RPS6KC1: variants seen among roughly 807,000 people sequenced by gnomAD.
RPS6KC1 encodes the protein inactive ribosomal protein S6 kinase delta-1.
A neutral mutation model predicts 103.8 loss-of-function variants in RPS6KC1; 54 were observed. The observed-to-expected ratio is 0.52, with a 90% confidence interval of 0.42 to 0.65. RPS6KC1 has a LOEUF of 0.65. RPS6KC1 is among the 30% of genes least tolerant of loss of function. RPS6KC1 has a pLI of 0.00. For synonymous variants in RPS6KC1, 439 were observed against 438.7 expected (o/e 1.00, Z -0.01); for missense variants, 1,151 against 1,253.8 (o/e 0.92, Z 1.24).
the RPS6KC1 span, chr1:213,546,303 T>A: frequency 7.2e-5 from 11 of 152,160 alleles, no homozygotes; most frequent in African/African-American, 2.4e-4. Context: ...GATCATTCAG[T>A]GGAGTCCATT....
chr1:213,210,622 T>G (rs945414043), intron 8 of RPS6KC1, among the ~76,000 whole-genome samples: 1 of 152,248 alleles, frequency 6.6e-6, no homozygotes, highest in East Asian at 1.9e-4. Flanking sequence ...TTGGAATTTT[T>G]CAGAACATGA....
chr1:213,401,427 C>T, the RPS6KC1 span, among the ~76,000 whole-genome samples: 3 of 152,224 alleles, frequency 2.0e-5, no homozygotes, highest in Non-Finnish European at 4.4e-5. Flanking sequence ...GATGTTTTCA[C>T]AATACTGTTG....
In RPS6KC1 at chr1:213,086,340, A is replaced by T. The variant is rs367575735; in HGVS notation, c.262+8524A>T. On this transcript the variant is annotated intron_variant, in intron 3 of 14. Transcript: ENST00000366960. ...TTCAGCCTGGATCTGCTGGCACCAC[A>T]ACAGAGCTTCCTGCTTGCCAGTCTC... 3.0e-4 allele frequency among the ~76,000 whole-genome samples: 45 copies of T among 152,288 alleles called. No individual in the cohort carries two copies. The East Asian group carries it at 8.7e-3, about 29-fold the overall frequency.
At chr1:213,370,163 C>T in the RPS6KC1 span, among the ~76,000 whole-genome samples, 2 of 152,128 alleles carry the variant, frequency 1.3e-5, no homozygotes, top group Non-Finnish European at 2.9e-5. Context: ...TTTCTCTTAC[C>T]TCCTTCTCAG....
the RPS6KC1 span, among the ~76,000 whole-genome samples, chr1:213,364,725 G>A: frequency 5.3e-5 from 8 of 152,102 alleles, no homozygotes; most frequent in Non-Finnish European, 1.2e-4. Flanking sequence ...AGGCCTAGGC[G>A]GGCGGATCAC....
Position 213,225,199 on chromosome 1 carries a change from G to A in RPS6KC1, c.1045-5298G>A, listed in dbSNP as rs140036230. Reference sequence around the variant, plus strand: ...CTCAGTTGAAGAGGTATATCCAGAGGCCAATTTATAATCATTTAGCCAACA... The same window carrying A: ...CTCAGTTGAAGAGGTATATCCAGAGACCAATTTATAATCATTTAGCCAACA... On this transcript the variant is annotated intron_variant, in intron 8 of 14. Transcript: ENST00000366960. Among the ~76,000 whole-genome samples, 6 of 152,240 alleles carry A rather than the reference G, an allele frequency of 3.9e-5. No homozygotes were observed. In the East Asian group the frequency reaches 1.2e-3, roughly 29 times the overall value.
chr1:213,204,718 G>T (rs1006072118), intron 8 of RPS6KC1, among the ~76,000 whole-genome samples: 2 of 151,090 alleles, frequency 1.3e-5, no homozygotes, highest in Admixed American at 6.6e-5. Context: ...CGACGTCTTG[G>T]GCTCAAGGAA....
rs543013886 is a variant in RPS6KC1, at chr1:213,064,876, C to G, written c.106-6130C>G. Among the ~76,000 whole-genome samples the G allele has an allele frequency of 3.4e-5, 5 of 148,892 alleles. No homozygotes were observed. The South Asian group carries it at 1.1e-3, about 32-fold the overall frequency. On this transcript the variant is annotated intron_variant, in intron 1 of 14. Coordinates refer to ENST00000366960, the MANE Select transcript of RPS6KC1 (RefSeq NM_012424.6). Reference sequence around the variant, plus strand: ...ATTTTTAATAGAGACAGGGTTTCACCGTGTTAGCCAGGATGGTCTTGATCT... The same window carrying G: ...ATTTTTAATAGAGACAGGGTTTCACGGTGTTAGCCAGGATGGTCTTGATCT...
chr1:213,285,336 C>T, the RPS6KC1 span, among the ~76,000 whole-genome samples: 7 of 24,696 alleles, frequency 2.8e-4, no homozygotes, highest in Non-Finnish European at 7.2e-4. Context: ...TCTCCTAATG[C>T]TGTCATACTG....
chr1:213,136,144 C>G (rs2086246005), intron 6 of RPS6KC1, among the ~76,000 whole-genome samples: 2 of 152,184 alleles, frequency 1.3e-5, no homozygotes, highest in Admixed American at 6.5e-5. Context: ...TTTGCTATCC[C>G]CTTTCTCTTA....
At chr1:213,214,608 T>A (rs573579533) in intron 8 of RPS6KC1, among the ~76,000 whole-genome samples, 5 of 152,276 alleles carry the variant, frequency 3.3e-5, no homozygotes, top group South Asian at 2.1e-4. Context: ...CCGAGTAGCC[T>A]AACTGGGAGG....
intron 6 of RPS6KC1, among the ~76,000 whole-genome samples, chr1:213,137,901 G>A (rs1293298083): frequency 7.1e-6 from 1 of 140,744 alleles, no homozygotes; most frequent in East Asian, 2.2e-4. Flanking sequence ...GCTTACAATA[G>A]GGGGCCCTGG....
the RPS6KC1 span, among the ~76,000 whole-genome samples, chr1:213,783,065 C>T: frequency 1.3e-5 from 2 of 152,198 alleles, no homozygotes; most frequent in Non-Finnish European, 2.9e-5. Flanking sequence ...CAGGGCTGTT[C>T]CACAAGCAGC....
intron 12 of RPS6KC1, among the ~76,000 whole-genome samples, chr1:213,248,386 T>A (rs1171126478): frequency 6.6e-6 from 1 of 152,214 alleles, no homozygotes; most frequent in Non-Finnish European, 1.5e-5. Context: ...CCTTGAATGA[T>A]TAACAAGTAT....
At chr1:213,495,928 AC>A in the RPS6KC1 span, among the ~76,000 whole-genome samples, 1 of 152,240 alleles carries the variant, frequency 6.6e-6, no homozygotes, top group Non-Finnish European at 1.5e-5. Flanking sequence ...ATAACCAAAT[AC>A]CAAGACAATT....
the RPS6KC1 span, among the ~76,000 whole-genome samples, chr1:213,752,222 C>T: frequency 1.3e-5 from 2 of 152,224 alleles, no homozygotes; most frequent in African/African-American, 4.8e-5. Flanking sequence ...CTCTAAACTA[C>T]AGTGAATCTA....
At chr1:213,783,095 G>T in the RPS6KC1 span, among the ~76,000 whole-genome samples, 28 of 152,304 alleles carry the variant, frequency 1.8e-4, no homozygotes, top group Admixed American at 9.2e-4. Context: ...TCAGGGGAAC[G>T]TGTTATTTCT....
At chr1:213,834,548 C>A in the RPS6KC1 span, among the ~76,000 whole-genome samples, 1 of 152,002 alleles carries the variant, frequency 6.6e-6, no homozygotes, top group Admixed American at 6.6e-5. Context: ...CCTAGTTCAC[C>A]AAGAGCAAAG....
At chr1:213,749,083 C>A in the RPS6KC1 span, among the ~76,000 whole-genome samples, 4 of 152,142 alleles carry the variant, frequency 2.6e-5, no homozygotes, top group African/African-American at 7.2e-5. Flanking sequence ...TCAATTTATT[C>A]ATAAGCCAGG....
Sources: gnomAD v4.1 joint callset for allele counts (sites outside exome capture counted in the v4.1 genomes callset) on GRCh38, gnomAD v4.1.1 for gene constraint, MANE v1.5 for transcripts, NCBI Gene and HGNC (gene_info 2026-07-23, HGNC 2026-07-21) for gene names.